The following FAM174A variants were observed in gnomAD, a reference collection of about 807,000 sequenced individuals.
FAM174A encodes family with sequence similarity 174 member A.
A neutral mutation model predicts 14.3 loss-of-function variants in FAM174A; 14 were observed. The observed-to-expected ratio is 0.98, with a 90% CI of 0.65 to 1.53. The LOEUF is 1.53. FAM174A is among the 40% of genes most tolerant of loss of function. FAM174A has a pLI of 0.00. For synonymous variants in FAM174A, 108 were observed against 111.4 expected (o/e 0.97, Z 0.19); for missense variants, 241 against 249.6 (o/e 0.97, Z 0.23).
intron 1 of FAM174A, among the ~76,000 whole-genome samples, chr5:100,537,244 TAA>T (rs1247729668): frequency 1.3e-5 from 2 of 152,226 alleles, no homozygotes; most frequent in Non-Finnish European, 2.9e-5. Flanking sequence ...GAAGTAAATA[TAA>T]AAATCTATCC....
intron 2 of FAM174A, among the ~76,000 whole-genome samples, chr5:100,563,173 A>G (rs1051756386): frequency 6.6e-6 from 1 of 151,914 alleles, no homozygotes; most frequent in African/African-American, 2.4e-5. Flanking sequence ...TAATACAAAT[A>G]TGTTCATGAA....
chr5:100,563,670 C>A (rs1190056442), intron 2 of FAM174A, among the ~76,000 whole-genome samples: 1 of 151,744 alleles, frequency 6.6e-6, no homozygotes, highest in African/African-American at 2.4e-5. Flanking sequence ...AACTTTGCAC[C>A]CAACAGCAGA....
chr5:100,565,597 T>A (rs1015580430), intron 2 of FAM174A, among the ~76,000 whole-genome samples: 1 of 151,778 alleles, frequency 6.6e-6, no homozygotes, highest in Non-Finnish European at 1.5e-5. Context: ...CTCAATAAAT[T>A]AAAAATATAA....
At chr5:100,540,955 T>G (rs1483579421) in intron 1 of FAM174A, among the ~76,000 whole-genome samples, 1 of 152,206 alleles carries the variant, frequency 6.6e-6, no homozygotes, top group Non-Finnish European at 1.5e-5. Context: ...CACTGCCTAG[T>G]GATCTCAAGA....
intron 2 of FAM174A, among the ~76,000 whole-genome samples, chr5:100,571,282 A>G (rs1746774068): frequency 6.6e-6 from 1 of 151,684 alleles, no homozygotes; most frequent in Admixed American, 6.6e-5. Context: ...AATCTGTGTA[A>G]CACTGCCATT....
At chr5:100,555,274 G>C (rs371419) in intron 1 of FAM174A, among the ~76,000 whole-genome samples, 85,632 of 150,932 alleles carry the variant, frequency 0.57, 26,684 homozygotes, top group African/African-American at 0.81. Flanking sequence ...TTTTTTATGG[G>C]TGCATAGTAT....
At chr5:100,560,102 A>T in intron 1 of FAM174A, among the ~76,000 whole-genome samples, 1 of 151,856 alleles carries the variant, frequency 6.6e-6, no homozygotes, top group African/African-American at 2.4e-5. Context: ...GTCTTTGATG[A>T]TGGTGACGTA....
chr5:100,572,133 C>G (rs1211884290), intron 2 of FAM174A, among the ~76,000 whole-genome samples: 4 of 151,082 alleles, frequency 2.6e-5, no homozygotes, highest in African/African-American at 9.7e-5. Context: ...TAAATCAGTT[C>G]AGTAGTATTC....
intron 2 of FAM174A, among the ~76,000 whole-genome samples, chr5:100,575,539 A>G (rs556229862): frequency 6.6e-6 from 1 of 152,206 alleles, no homozygotes; most frequent in African/African-American, 2.4e-5. Flanking sequence ...GCTGAGAATG[A>G]TGGTTTCCAG....
intron 2 of FAM174A, among the ~76,000 whole-genome samples, chr5:100,580,393 C>T (rs1456620800): frequency 2.0e-5 from 3 of 152,276 alleles, no homozygotes; most frequent in Admixed American, 6.5e-5. Context: ...AGTATTAACT[C>T]ACACGATCAC....
intron 1 of FAM174A, among the ~76,000 whole-genome samples, chr5:100,554,310 C>CTTTTTTT (rs34241194): frequency 4.3e-5 from 4 of 93,942 alleles, no homozygotes; most frequent in Non-Finnish European, 6.0e-5. Flanking sequence ...ATTTTTCTAT[C>CTTTTTTT]TTTTTTTTTT....
intron 2 of FAM174A, among the ~76,000 whole-genome samples, chr5:100,573,096 G>T (rs1242961094): frequency 6.6e-6 from 1 of 152,088 alleles, no homozygotes; most frequent in African/African-American, 2.4e-5. Flanking sequence ...TTTTGATGGG[G>T]TTATTTGTTT....
chr5:100,561,098 C>T (rs1470255052), intron 1 of FAM174A, among the ~76,000 whole-genome samples: 4 of 151,868 alleles, frequency 2.6e-5, no homozygotes, highest in Non-Finnish European at 5.9e-5. Context: ...TAAACATATA[C>T]ATCAGCACAT....
chr5:100,555,062 A>C (rs558854025), intron 1 of FAM174A, among the ~76,000 whole-genome samples: 24 of 152,068 alleles, frequency 1.6e-4, no homozygotes. Flanking sequence ...ATATCTCCTA[A>C]TGCTATCCCT....
At chr5:100,575,252 A>G (rs1212693336) in intron 2 of FAM174A, among the ~76,000 whole-genome samples, 1 of 151,814 alleles carries the variant, frequency 6.6e-6, no homozygotes, top group Admixed American at 6.6e-5. Context: ...ACTTTTATAT[A>G]TATATATATT....
In FAM174A at chr5:100,538,337, G is replaced by A. The variant is rs6860952; in HGVS notation, c.434+2373G>A. On this transcript the variant is annotated intron_variant, in intron 1 of 2. Transcript: ENST00000312637. Reference sequence around the variant, plus strand: ...ATTTTCTTAACTGATTTGAGGTGATGCAGAAAATATTTTACTTGTAAAATT... The same window carrying A: ...ATTTTCTTAACTGATTTGAGGTGATACAGAAAATATTTTACTTGTAAAATT... Among the ~76,000 whole-genome samples the A allele has an allele frequency of 6.0e-3, 916 of 152,128 alleles. 9 individuals carry two copies. Among genetic ancestry groups the A allele is most frequent in the African/African-American group, 0.021 (871 of 41,516 alleles).
chr5:100,566,998 C>G (rs568056424), intron 2 of FAM174A, among the ~76,000 whole-genome samples: 10 of 151,902 alleles, frequency 6.6e-5, no homozygotes, highest in African/African-American at 2.4e-4. Context: ...ATTACAGTTA[C>G]AGCAGGAAAG....
At chr5:100,562,469 T>C (rs968949722) in intron 2 of FAM174A, among the ~76,000 whole-genome samples, 16 of 151,890 alleles carry the variant, frequency 1.1e-4, no homozygotes, top group African/African-American at 3.4e-4. Context: ...GCAGGGTCGT[T>C]ACATAGGTAA....
chr5:100,543,616 G>A (rs1746108659), intron 1 of FAM174A, among the ~76,000 whole-genome samples: 1 of 151,810 alleles, frequency 6.6e-6, no homozygotes, highest in Non-Finnish European at 1.5e-5. Context: ...TTGACATGGA[G>A]TCTCCCTCTG....
Sources: gnomAD v4.1 joint callset for allele counts (sites outside exome capture counted in the v4.1 genomes callset) on GRCh38, gnomAD v4.1.1 for gene constraint, MANE v1.5 for transcripts, NCBI Gene and HGNC (gene_info 2026-07-23, HGNC 2026-07-21) for gene names.